Variants in BACH2 observed in about 807,000 individuals in gnomAD.
BACH2 encodes transcription regulator protein BACH2.
Under a neutral mutation model 61.8 loss-of-function variants are expected in BACH2, and 5 were observed. The ratio of observed to expected loss-of-function variants is 0.08; its 90% CI spans 0.04 to 0.17. The LOEUF (loss-of-function observed/expected upper bound fraction) is 0.17. BACH2 is among the 10% of genes least tolerant of loss of function. The probability of loss-of-function intolerance (pLI) is 1.00; values close to 1 mark genes in which losing one functional copy is unlikely to be tolerated. For missense variants in BACH2, 824 were observed against 1,091.1 expected, an observed-to-expected ratio of 0.76 and a Z score of 3.45; for synonymous variants, 446 against 440.1, an observed-to-expected ratio of 1.01 and a Z score of -0.17.
chr6:90,289,852 G>A (rs1474055009), intron 1 of BACH2, among the ~76,000 whole-genome samples: 1 of 152,110 alleles, frequency 6.6e-6, no homozygotes, highest in African/African-American at 2.4e-5. Context: ...TTTCACCAAA[G>A]GCCCTACACA....
intron 2 of BACH2, among the ~76,000 whole-genome samples, chr6:90,268,297 T>C (rs1283365908): frequency 6.6e-6 from 1 of 152,152 alleles, no homozygotes; most frequent in Non-Finnish European, 1.5e-5. Flanking sequence ...TGAACCACTG[T>C]ACCCGAACTG....
intron 4 of BACH2, among the ~76,000 whole-genome samples, chr6:90,099,176 C>A (rs1346004681): frequency 6.6e-6 from 1 of 152,194 alleles, no homozygotes; most frequent in East Asian, 1.9e-4. Flanking sequence ...GCCCACCTCT[C>A]TAAGTGGCAG....
intron 5 of BACH2, among the ~76,000 whole-genome samples, chr6:90,067,231 G>T (rs570624978): frequency 3.3e-5 from 5 of 152,192 alleles, no homozygotes; most frequent in Non-Finnish European, 7.3e-5. Flanking sequence ...AAAAGAAAAC[G>T]TTCTGTGGAA....
intron 3 of BACH2, among the ~76,000 whole-genome samples, chr6:90,208,570 TGTG>T (rs758627411): frequency 6.6e-6 from 1 of 152,176 alleles, no homozygotes; most frequent in Non-Finnish European, 1.5e-5. Context: ...CTGGAGAGGA[TGTG>T]GAGAAACAGG....
chr6:90,038,798 G>A (rs1036720688), intron 5 of BACH2, among the ~76,000 whole-genome samples: 3 of 152,008 alleles, frequency 2.0e-5, no homozygotes, highest in Non-Finnish European at 2.9e-5. Flanking sequence ...CAGCACTTTG[G>A]GAGGCTGAGG....
chr6:90,013,529 T>G (rs1346357203), intron 5 of BACH2, among the ~76,000 whole-genome samples: 1 of 142,060 alleles, frequency 7.0e-6, no homozygotes, highest in South Asian at 2.2e-4. Flanking sequence ...TTTTTTGAGA[T>G]GGAGTCTCGC....
intron 2 of BACH2, among the ~76,000 whole-genome samples, chr6:90,260,821 AG>A (rs1337200205): frequency 6.6e-6 from 1 of 152,202 alleles, no homozygotes; most frequent in Non-Finnish European, 1.5e-5. Context: ...GGACATGGAG[AG>A]GAAAGGAAGA....
intron 4 of BACH2, among the ~76,000 whole-genome samples, chr6:90,162,066 C>G (rs1785211215): frequency 1.3e-5 from 2 of 152,152 alleles, no homozygotes; most frequent in African/African-American, 2.4e-5. Flanking sequence ...AGAATGTCTT[C>G]AGACTCCACC....
At chr6:90,232,629 G>C (rs893970425) in intron 3 of BACH2, among the ~76,000 whole-genome samples, 3 of 152,278 alleles carry the variant, frequency 2.0e-5, no homozygotes, top group East Asian at 3.9e-4. Flanking sequence ...GGAATATAAA[G>C]AGGTGTGCAG....
intron 4 of BACH2, among the ~76,000 whole-genome samples, chr6:90,153,643 C>T (rs1380972334): frequency 6.6e-6 from 1 of 152,136 alleles, no homozygotes; most frequent in East Asian, 1.9e-4. Flanking sequence ...CCTTCAAAAT[C>T]CAGGCACATT....
intron 6 of BACH2, among the ~76,000 whole-genome samples, chr6:89,996,106 C>T (rs536085426): frequency 6.6e-6 from 1 of 152,308 alleles, no homozygotes; most frequent in South Asian, 2.1e-4. Context: ...TCCTATCTGT[C>T]TATACCTTTG....
intron 4 of BACH2, among the ~76,000 whole-genome samples, chr6:90,162,760 A>G (rs1362948482): frequency 1.3e-5 from 2 of 152,230 alleles, no homozygotes; most frequent in African/African-American, 4.8e-5. Flanking sequence ...TTCTGAATTT[A>G]AAATCCAGGG....
chr6:90,265,948 G>A (rs191196699), intron 2 of BACH2, among the ~76,000 whole-genome samples: 1 of 152,276 alleles, frequency 6.6e-6, no homozygotes. Flanking sequence ...TATGATGTAA[G>A]TATTAGTAAT....
chr6:90,008,553 G>A lies in BACH2; in HGVS notation c.243+49C>T. On this transcript the variant is annotated intron_variant, in intron 6 of 8. Coordinates refer to ENST00000257749, the MANE Select transcript of BACH2 (RefSeq NM_021813.4). This position sits in a 1 kb window ranked among gnomAD's most constrained non-coding sequence, Gnocchi z 4.1. Reference sequence around the variant, plus strand: ...CTAGCTCCTAGTCAGCCAGTTTTCTGTAAGTCAATAAACATTCATTAACAA... The same window carrying A: ...CTAGCTCCTAGTCAGCCAGTTTTCTATAAGTCAATAAACATTCATTAACAA... The A allele has an allele frequency of 6.2e-7, 1 of 1,604,882 alleles. No individual in the cohort carries two copies. The highest frequency in any genetic ancestry group is 1.3e-5 in the African/African-American group (1 of 74,840).
At chr6:90,090,348 G>A (rs1183403295) in intron 4 of BACH2, among the ~76,000 whole-genome samples, 1 of 151,968 alleles carries the variant, frequency 6.6e-6, no homozygotes, top group Non-Finnish European at 1.5e-5. Context: ...TCTTACGCAG[G>A]TTCCCAGAAA....
At chr6:90,289,260 C>T (rs62408239) in intron 1 of BACH2, among the ~76,000 whole-genome samples, 4,499 of 152,200 alleles carry the variant, frequency 0.03, 92 homozygotes, top group Non-Finnish European at 0.045. Context: ...GGTAAGAGAA[C>T]AGGCCCAAGC....
At chr6:90,012,628 C>CA (rs549056946) in intron 5 of BACH2, among the ~76,000 whole-genome samples, 1,267 of 108,432 alleles carry the variant, frequency 0.012, 11 homozygotes, top group African/African-American at 0.037. Flanking sequence ...GACTCCACCT[C>CA]AAAAAAAAAA....
intron 8 of BACH2, among the ~76,000 whole-genome samples, chr6:89,934,335 T>TG (rs1772874746): frequency 6.6e-6 from 1 of 152,178 alleles, no homozygotes; most frequent in Non-Finnish European, 1.5e-5. Flanking sequence ...AGCAGCAGAC[T>TG]GGAGACTAAT....
At chr6:90,151,434 A>G (rs1784808044) in intron 4 of BACH2, among the ~76,000 whole-genome samples, 1 of 151,968 alleles carries the variant, frequency 6.6e-6, no homozygotes, top group South Asian at 2.1e-4. Flanking sequence ...GCAGGCATAT[A>G]CCACTATGGC....
Sources: allele counts gnomAD v4.1 joint callset (sites outside exome capture counted in the v4.1 genomes callset), GRCh38; gene constraint gnomAD v4.1.1; non-coding constraint Gnocchi (gnomAD v3.1); transcripts MANE v1.5; gene names NCBI Gene and HGNC (gene_info 2026-07-23, HGNC 2026-07-21).